Variants in AGBL1 observed in about 807,000 individuals in gnomAD.
The protein encoded by AGBL1 is AGBL carboxypeptidase 1, also known as cytosolic carboxypeptidase 4.
AGBL1 carries 130 observed loss-of-function variants against 118.9 expected under a neutral mutation model. That is an observed-to-expected ratio of 1.09 (90% confidence interval 0.95 to 1.26). The LOEUF (loss-of-function observed/expected upper bound fraction) is 1.26, where lower values mean the gene tolerates loss of function less well. Among genes scored for constraint, AGBL1 ranks in the 50% most tolerant of loss-of-function variants. The probability of loss-of-function intolerance (pLI) is 0.00; values close to 1 mark genes in which losing one functional copy is unlikely to be tolerated. For missense variants in AGBL1, 1,584 were observed against 1,298.1 expected (o/e 1.22, Z -3.38); for synonymous variants, 555 against 478.9 (o/e 1.16, Z -2.08).
chr15:86,521,851 T>A (rs763032443), intron 18 of AGBL1, among the ~76,000 whole-genome samples: 7 of 152,114 alleles, frequency 4.6e-5, no homozygotes, highest in Non-Finnish European at 1.0e-4. Flanking sequence ...GTGGAGGATT[T>A]GGGAGGAGTT....
At chr15:86,873,772 A>G (rs946372982) in intron 22 of AGBL1, among the ~76,000 whole-genome samples, 11 of 152,252 alleles carry the variant, frequency 7.2e-5, no homozygotes, top group East Asian at 5.8e-4. Flanking sequence ...AATTTATGGT[A>G]TTTTGCTATT....
chr15:86,191,766 G>A (rs930512519), intron 5 of AGBL1, among the ~76,000 whole-genome samples: 1 of 151,826 alleles, frequency 6.6e-6, no homozygotes, highest in Non-Finnish European at 1.5e-5. Context: ...CTAATATTGA[G>A]GAAGTAATTT....
chr15:86,678,952 C>A (rs1183686541), intron 22 of AGBL1, among the ~76,000 whole-genome samples: 1 of 151,960 alleles, frequency 6.6e-6, no homozygotes, highest in African/African-American at 2.4e-5. Context: ...TTCCATTAGT[C>A]TGCCTGCCAA....
At chr15:86,703,371 G>A (rs140675029) in intron 22 of AGBL1, among the ~76,000 whole-genome samples, 20 of 152,216 alleles carry the variant, frequency 1.3e-4, no homozygotes, top group African/African-American at 4.3e-4. Context: ...GGCTCTTTTT[G>A]TAAGCAGATG....
chr15:86,628,509 A>AT (rs2084920462), intron 21 of AGBL1, among the ~76,000 whole-genome samples: 1 of 152,150 alleles, frequency 6.6e-6, no homozygotes, highest in African/African-American at 2.4e-5. Flanking sequence ...CTTTAAAAAA[A>AT]TTTTTGGCTG....
intron 17 of AGBL1, among the ~76,000 whole-genome samples, chr15:86,320,549 GT>G (rs201093944): frequency 1.6e-3 from 239 of 151,452 alleles, no homozygotes; most frequent in African/African-American, 5.1e-3. Context: ...AAACTGACAA[GT>G]TTTTTTTTCC....
At chr15:86,603,404 C>T (rs1043831358) in intron 21 of AGBL1, among the ~76,000 whole-genome samples, 1 of 152,042 alleles carries the variant, frequency 6.6e-6, no homozygotes, top group Non-Finnish European at 1.5e-5. Context: ...TTTAAGATTC[C>T]TCTTAATATT....
At chr15:86,311,306 C>G (rs2079917415) in intron 17 of AGBL1, among the ~76,000 whole-genome samples, 2 of 152,174 alleles carry the variant, frequency 1.3e-5, no homozygotes, top group South Asian at 4.2e-4. Flanking sequence ...AAGTTCTTAC[C>G]CCCTTGATCT....
chr15:86,842,179 A>G (rs2079255067), intron 22 of AGBL1, among the ~76,000 whole-genome samples: 1 of 151,892 alleles, frequency 6.6e-6, no homozygotes, highest in Non-Finnish European at 1.5e-5. Flanking sequence ...TTAAGTGTTC[A>G]TTCTTCAGGA....
At chr15:86,319,766 TTTTTTTTTTTTTTG>T (rs1242669088) in intron 17 of AGBL1, among the ~76,000 whole-genome samples, 82 of 107,980 alleles carry the variant, frequency 7.6e-4, no homozygotes, top group East Asian at 9.9e-4. Context: ...TTTTTTTTTT[TTTTTTTTTTTTTTG>T]AGATGGACTC....
Position 86,796,412 on chromosome 15 carries a change from G to T in AGBL1, c.3159-110675G>T, listed in dbSNP as rs546779872. ...GTAGTTGGTCTCAATCTATTCTTTG[G>T]CATCAAGCAAGTGCAAGGGTCAAAG... On this transcript the variant is annotated intron_variant, in intron 22 of 22. Transcript: ENST00000614907. 2.6e-5 allele frequency among the ~76,000 whole-genome samples: 4 copies of T among 152,264 alleles called. No homozygotes were observed. The East Asian group carries it at 7.7e-4, about 29-fold the overall frequency.
intron 22 of AGBL1, among the ~76,000 whole-genome samples, chr15:86,897,449 T>C (rs554302189): frequency 2.6e-5 from 4 of 152,276 alleles, no homozygotes; most frequent in African/African-American, 9.6e-5. Context: ...CCCATTACAT[T>C]GATCCTTTAT....
intron 16 of AGBL1, among the ~76,000 whole-genome samples, chr15:86,280,685 G>A (rs1156230942): frequency 6.6e-6 from 1 of 152,170 alleles, no homozygotes; most frequent in Non-Finnish European, 1.5e-5. Context: ...TCATTTTAAG[G>A]CTGTGATAAG....
At chr15:86,571,387 G>A (rs1462511802) in intron 21 of AGBL1, among the ~76,000 whole-genome samples, 2 of 152,184 alleles carry the variant, frequency 1.3e-5, no homozygotes, top group Non-Finnish European at 1.5e-5. Context: ...TGGAGGATGA[G>A]CAAGATGAAG....
intron 22 of AGBL1, among the ~76,000 whole-genome samples, chr15:86,706,178 A>C (rs1323645648): frequency 6.6e-6 from 1 of 152,058 alleles, no homozygotes; most frequent in Non-Finnish European, 1.5e-5. Context: ...TTAACTATAT[A>C]TTATATATGT....
intron 4 of AGBL1, 23 bp from the exon 5 acceptor site, chr15:86,158,910 T>G (rs2077229170): frequency 6.2e-7 from 1 of 1,607,636 alleles, no homozygotes; most frequent in African/African-American, 1.3e-5. Flanking sequence ...TGACCATAAC[T>G]ACTGTGCTTT....
intron 16 of AGBL1, among the ~76,000 whole-genome samples, chr15:86,292,064 G>A (rs1473990856): frequency 6.6e-6 from 1 of 152,102 alleles, no homozygotes; most frequent in Non-Finnish European, 1.5e-5. Context: ...GCTCATGTTG[G>A]CATGGTAGGC....
intron 6 of AGBL1, among the ~76,000 whole-genome samples, chr15:86,225,217 A>G (rs182956717): frequency 2.5e-4 from 38 of 151,990 alleles, no homozygotes; most frequent in African/African-American, 8.9e-4. Flanking sequence ...AAGACAATGG[A>G]CCCTAAAGGG....
chr15:86,615,429 A>T lies in AGBL1; in HGVS notation c.2995-58844A>T, dbSNP rs184196626. ...GGGTAAGGAGGAAGAAGGTAAGATG[A>T]TTATGAGATTATTTGATGGTTACTG... On this transcript the variant is annotated intron_variant, in intron 21 of 22. Coordinates refer to ENST00000614907, the MANE Select transcript of AGBL1 (RefSeq NM_001386094.1). This position sits in a 1 kb window ranked among gnomAD's most constrained non-coding sequence, Gnocchi z 4.3. Among the ~76,000 whole-genome samples, 237 of 152,268 alleles carry T rather than the reference A, an allele frequency of 1.6e-3. 2 individuals are homozygous for T. The highest frequency in any genetic ancestry group is 5.4e-3 in the African/African-American group (224 of 41,548).
Sources: allele counts gnomAD v4.1 joint callset (sites outside exome capture counted in the v4.1 genomes callset), GRCh38; gene constraint gnomAD v4.1.1; non-coding constraint Gnocchi (gnomAD v3.1); transcripts MANE v1.5; gene names NCBI Gene and HGNC (gene_info 2026-07-23, HGNC 2026-07-21).